BET1: variants seen among roughly 807,000 people sequenced by gnomAD.
BET1 encodes the protein BET1 homolog.
Under a neutral mutation model 13.9 loss-of-function variants are expected in BET1, and 9 were observed. The ratio of observed to expected loss-of-function variants is 0.65; its 90% CI spans 0.39 to 1.13. The LOEUF is 1.13. BET1 is among the 50% of genes most tolerant of loss of function. BET1 has a pLI of 0.01. For synonymous variants in BET1, 39 were observed against 47.3 expected (o/e 0.82, Z 0.72); for missense variants, 127 against 133.6 (o/e 0.95, Z 0.24).
chr7:93,998,890 T>G (rs1795830351), intron 2 of BET1, among the ~76,000 whole-genome samples: 1 of 152,062 alleles, frequency 6.6e-6, no homozygotes, highest in African/African-American at 2.4e-5. Flanking sequence ...GGGTGGAAGA[T>G]GGACAGCTCT....
chr7:93,993,988 A>G lies in BET1; in HGVS notation c.*242T>C. 3 of 1,530,206 alleles carry G rather than the reference A, an allele frequency of 2.0e-6. No homozygotes were observed. Among genetic ancestry groups the G allele is most frequent in the Non-Finnish European group, 2.6e-6 (3 of 1,144,316 alleles). The allele number at this position is 1,530,206 out of a possible 1,614,324, so 94.8% of individuals were successfully genotyped here. On this transcript the variant is annotated 3_prime_UTR_variant, in exon 4 of 4. Transcript: ENST00000222547. ...GCAAACAATAGAAAAACAAACTGGA[A>G]ATTAGTGGAGCCACACCCTCTCACT...
chr7:94,002,474 A>G (rs886978484), intron 1 of BET1, among the ~76,000 whole-genome samples: 3 of 135,394 alleles, frequency 2.2e-5, no homozygotes, highest in South Asian at 2.2e-4. Context: ...AAAAAAAAAA[A>G]GAAAGAAAAA....
rs1309617200 is a variant in BET1 at position 93,993,788 on chromosome 7, T to C, written c.*442A>G. On this transcript the variant is annotated 3_prime_UTR_variant, in exon 4 of 4. Coordinates refer to ENST00000222547, the MANE Select transcript of BET1 (RefSeq NM_005868.6). ...GAAGGGAGTATATCATTACAGTTGATGCAGTTAGGAAAATTCAATTACCAT... is the reference window on the plus strand; with the variant it reads ...GAAGGGAGTATATCATTACAGTTGACGCAGTTAGGAAAATTCAATTACCAT... 1 of 1,514,852 alleles carries C rather than the reference T, an allele frequency of 6.6e-7. No individual in the cohort carries two copies. The highest frequency in any genetic ancestry group is 2.1e-5 in the Admixed American group (1 of 47,106). The allele number at this position is 1,514,852 out of a possible 1,614,324, so 93.8% of individuals were successfully genotyped here. A position where few individuals can be genotyped will look rare whatever the true frequency, so the allele number is the denominator to read the frequency against.
At chr7:93,989,170 C>T (rs547919283), downstream of BET1, among the ~76,000 whole-genome samples, 11 of 151,482 alleles carry the variant, frequency 7.3e-5, no homozygotes, top group South Asian at 2.1e-4. Flanking sequence ...CCCGCCACCA[C>T]GCCTGGCTAA....
intron 2 of BET1, among the ~76,000 whole-genome samples, chr7:93,998,323 A>G (rs1795816426): frequency 1.3e-5 from 2 of 152,198 alleles, no homozygotes; most frequent in East Asian, 3.8e-4. Flanking sequence ...GACTGTGGCA[A>G]TGATTATATA....
intron 6 of BET1, among the ~76,000 whole-genome samples, chr7:93,969,014 T>C (rs145335198): frequency 2.9e-4 from 44 of 151,948 alleles, no homozygotes; most frequent in Middle Eastern, 3.4e-3. Context: ...AAAGATGAGA[T>C]AGAAACAGCT....
At position 94,004,282 on chromosome 7, in the gene BET1, G is replaced by A. The variant is rs890744351; in HGVS notation, c.-66C>T. 6.2e-6 allele frequency: 10 copies of A among 1,606,568 alleles called. No homozygotes were observed. The highest frequency in any genetic ancestry group is 8.5e-6 in the Non-Finnish European group (10 of 1,173,406). ...GGGTGAGTAGGAAACAGCTAGGGGC[G>A]ACCCGGACCGCGTCTTCAGTACCAG... On this transcript the variant is annotated 5_prime_UTR_variant, in exon 1 of 4. Transcript: ENST00000222547.
intron 6 of BET1, among the ~76,000 whole-genome samples, chr7:93,971,468 T>C (rs764081998): frequency 1.3e-5 from 2 of 151,796 alleles, no homozygotes; most frequent in Non-Finnish European, 2.9e-5. Flanking sequence ...TAACAGTTAA[T>C]GCTGAAATGA....
chr7:93,972,839 G>GT (rs1562800062), intron 5 of BET1, among the ~76,000 whole-genome samples: 4 of 150,402 alleles, frequency 2.7e-5, no homozygotes, highest in Non-Finnish European at 5.9e-5. Flanking sequence ...AGCATCACTC[G>GT]TATCTTTTTT....
intron 3 of BET1, among the ~76,000 whole-genome samples, chr7:93,995,754 G>A (rs538851617): frequency 6.6e-6 from 1 of 152,256 alleles, no homozygotes; most frequent in African/African-American, 2.4e-5. Context: ...CAAGATAAAC[G>A]TTAACAAATG....
intron 4 of BET1, among the ~76,000 whole-genome samples, chr7:93,976,786 C>A (rs1795343891): frequency 6.6e-6 from 1 of 152,096 alleles, no homozygotes; most frequent in African/African-American, 2.4e-5. Context: ...ACCTGAGCAG[C>A]ATACACTGTA....
At chr7:93,986,504 C>T (rs1795530255) in intron 4 of BET1, among the ~76,000 whole-genome samples, 1 of 152,206 alleles carries the variant, frequency 6.6e-6, no homozygotes, top group Non-Finnish European at 1.5e-5. Context: ...CCCACAGATA[C>T]TAAGCTAACT....
At chr7:93,998,684 A>C (rs1468566437) in intron 2 of BET1, among the ~76,000 whole-genome samples, 2 of 151,646 alleles carry the variant, frequency 1.3e-5, no homozygotes, top group African/African-American at 4.9e-5. Context: ...GGGCAACAAG[A>C]GCAAAACTCC....
At chr7:93,962,803 A>T (rs960100003) in exon 7 of BET1, 8 of 152,086 alleles carry the variant, frequency 5.3e-5, no homozygotes, top group Admixed American at 2.0e-4. Flanking sequence ...TTAAAAAAAA[A>T]ACACAGGATA....
chr7:93,980,727 C>T (rs2116064537), intron 4 of BET1, among the ~76,000 whole-genome samples: 1 of 152,184 alleles, frequency 6.6e-6, no homozygotes, highest in East Asian at 1.9e-4. Flanking sequence ...CCCACCATCG[C>T]CACTTCTATT....
chr7:94,004,325 A>T lies in BET1; in HGVS notation c.-109T>A. On this transcript the variant is annotated 5_prime_UTR_variant, in exon 1 of 4. In the 5' UTR this introduces an upstream ATG that the reference lacks. Coordinates refer to ENST00000222547, the MANE Select transcript of BET1 (RefSeq NM_005868.6). ...AGTACCAGGGCCCAGCGAAACACCA[A>T]CTTCTTCCCCTAAAGCGCCACGACA... 1 of 1,457,088 alleles carries T rather than the reference A, an allele frequency of 6.9e-7. No homozygotes were observed. Among genetic ancestry groups the T allele is most frequent in the Non-Finnish European group, 9.6e-7 (1 of 1,040,054 alleles). The allele number at this position is 1,457,088 out of a possible 1,614,324, so 90.3% of individuals were successfully genotyped here.
downstream of BET1, among the ~76,000 whole-genome samples, chr7:93,989,385 GTTTC>G (rs1168613719): frequency 2.0e-5 from 3 of 152,080 alleles, no homozygotes; most frequent in South Asian, 6.2e-4. Flanking sequence ...TAGATTTGTA[GTTTC>G]TTTTTTAAAA....
Position 93,993,426 on chromosome 7 carries a change from A to G in BET1, c.*804T>C, listed in dbSNP as rs1162969174. On this transcript the variant is annotated 3_prime_UTR_variant, in exon 4 of 4. Transcript: ENST00000222547. ...AATAATACTCTTATCTTCAAGTTCA[A>G]TGCCTGAGTTTCTTGCATACTATTT... is the stretch of plus-strand genomic sequence containing the variant. The G allele has an allele frequency of 7.1e-6, 7 of 983,972 alleles. No homozygotes were observed. The East Asian group carries it at 6.8e-4, about 96-fold the overall frequency. 61.0% of individuals were successfully genotyped at this position (983,972 alleles called of 1,614,324 possible). A position where few individuals can be genotyped will look rare whatever the true frequency, so the allele number is the denominator to read the frequency against.
At chr7:93,980,174 G>A (rs1584131061) in intron 4 of BET1, among the ~76,000 whole-genome samples, 1 of 152,228 alleles carries the variant, frequency 6.6e-6, no homozygotes, top group East Asian at 1.9e-4. Flanking sequence ...AGGACCAGAT[G>A]GCTTCACTGG....
Sources: gnomAD v4.1 joint callset for allele counts (sites outside exome capture counted in the v4.1 genomes callset) on GRCh38, gnomAD v4.1.1 for gene constraint, MANE v1.5 for transcripts, NCBI Gene and HGNC (gene_info 2026-07-23, HGNC 2026-07-21) for gene names.